The following CTNNA2 variants were observed in gnomAD, a reference collection of about 807,000 sequenced individuals.
CTNNA2 encodes the protein catenin alpha-2.
In CTNNA2, 42 loss-of-function variants were observed where a neutral mutation model predicts 101.0. That is an observed-to-expected ratio of 0.42 (90% CI 0.32 to 0.54). The LOEUF is 0.54. CTNNA2 is among the 20% of genes least tolerant of loss of function. The pLI, the probability that CTNNA2 is intolerant of heterozygous loss-of-function variation, is 0.14. For missense variants in CTNNA2, 871 were observed against 1,223.1 expected (o/e 0.71, Z 4.29); for synonymous variants, 450 against 456.4 (o/e 0.99, Z 0.18).
intron 7 of CTNNA2, among the ~76,000 whole-genome samples, chr2:79,975,937 C>A (rs1162174279): frequency 2.0e-5 from 3 of 152,166 alleles, no homozygotes; most frequent in African/African-American, 7.2e-5. Context: ...GGCGCCCAAC[C>A]TTCAGCTTCT....
chr2:79,599,727 G>T (rs903997229), intron 1 of CTNNA2, among the ~76,000 whole-genome samples: 1 of 152,148 alleles, frequency 6.6e-6, no homozygotes, highest in East Asian at 1.9e-4. Flanking sequence ...AAAAATCTGA[G>T]AAATTTAAGT....
In CTNNA2 at chr2:79,732,968, T is replaced by A. The variant is rs532460060; in HGVS notation, c.103-11419T>A. Among the ~76,000 whole-genome samples, 10 of 152,268 alleles carry A rather than the reference T, an allele frequency of 6.6e-5. No individual in the cohort carries two copies. The South Asian group carries it at 2.1e-3, about 32-fold the overall frequency. ...ATTGAGAAGAACACACAGCACTCAC[T>A]GATGCTCACATTTCATTGGCTAGAA... On this transcript the variant is annotated intron_variant, in intron 2 of 18. Transcript: ENST00000402739.
chr2:79,815,010 A>T (rs1163321028), intron 3 of CTNNA2, among the ~76,000 whole-genome samples: 1 of 152,008 alleles, frequency 6.6e-6, no homozygotes, highest in Non-Finnish European at 1.5e-5. Context: ...TTTGATTTGC[A>T]TTTCCCTAAT....
At chr2:80,479,691 T>TA (rs1364223145) in intron 9 of CTNNA2, among the ~76,000 whole-genome samples, 1 of 152,040 alleles carries the variant, frequency 6.6e-6, no homozygotes, top group Admixed American at 6.6e-5. Context: ...TGTACTGCCC[T>TA]AAAAAAAGGT....
intron 4 of CTNNA2, among the ~76,000 whole-genome samples, chr2:79,868,553 A>G (rs2104014441): frequency 6.6e-6 from 1 of 152,390 alleles, no homozygotes; most frequent in East Asian, 1.9e-4. Flanking sequence ...AATTAAGTTC[A>G]GATCTGAGTT....
chr2:80,150,153 T>G (rs1409193926), intron 7 of CTNNA2, among the ~76,000 whole-genome samples: 1 of 152,140 alleles, frequency 6.6e-6, no homozygotes, highest in Non-Finnish European at 1.5e-5. Flanking sequence ...CTGCCACCAC[T>G]GAGATTGCTG....
intron 7 of CTNNA2, among the ~76,000 whole-genome samples, chr2:80,032,544 A>G (rs963367429): frequency 2.0e-5 from 3 of 152,216 alleles, no homozygotes; most frequent in Non-Finnish European, 4.4e-5. Context: ...CACACTCAAA[A>G]TAAGTATGCA....
chr2:80,619,412 T>G (rs1006258039), intron 18 of CTNNA2, among the ~76,000 whole-genome samples, 184 bp downstream of exon 18: 1 of 151,964 alleles, frequency 6.6e-6, no homozygotes, highest in Middle Eastern at 3.2e-3. Flanking sequence ...CAGATATATC[T>G]TCAATTGTGG....
At chr2:80,080,028 G>T (rs574866975) in intron 7 of CTNNA2, among the ~76,000 whole-genome samples, 3 of 152,168 alleles carry the variant, frequency 2.0e-5, no homozygotes, top group Admixed American at 6.5e-5. Context: ...AGCCTTGCAC[G>T]TCAATGGGCC....
At chr2:79,588,954 T>A (rs1355832094) in intron 1 of CTNNA2, among the ~76,000 whole-genome samples, 1 of 152,180 alleles carries the variant, frequency 6.6e-6, no homozygotes, top group African/African-American at 2.4e-5. Context: ...TTAACAGTAC[T>A]CCTCTCATAA....
intron 9 of CTNNA2, among the ~76,000 whole-genome samples, chr2:80,484,154 T>C (rs1318708001): frequency 6.6e-6 from 1 of 152,074 alleles, no homozygotes; most frequent in Non-Finnish European, 1.5e-5. Context: ...AAACCAAACA[T>C]TGGTTTTTTA....
At chr2:79,746,597 T>G (rs998567061) in intron 3 of CTNNA2, among the ~76,000 whole-genome samples, 2 of 152,210 alleles carry the variant, frequency 1.3e-5, no homozygotes, top group Non-Finnish European at 2.9e-5. Flanking sequence ...TATAGTCTAT[T>G]GTAAAGTTTC....
At chr2:79,504,972 A>G (rs1671381438) in intron 4 of CTNNA2, 1 of 152,212 alleles carries the variant, frequency 6.6e-6, no homozygotes, top group African/African-American at 2.4e-5. Context: ...TTATATCCAT[A>G]GGAGACACTG....
intron 15 of CTNNA2, among the ~76,000 whole-genome samples, chr2:80,598,382 A>G (rs1482800745): frequency 1.3e-5 from 2 of 152,106 alleles, no homozygotes; most frequent in African/African-American, 4.8e-5. Flanking sequence ...TGACAGGTTG[A>G]TAGGTGCTGC....
At position 80,229,304 on chromosome 2, in the gene CTNNA2, C is replaced by T. The variant is rs180744227; in HGVS notation, c.1057-163907C>T. 5.3e-5 allele frequency among the ~76,000 whole-genome samples: 8 copies of T among 152,264 alleles called. No individual in the cohort carries two copies. The South Asian group carries it at 1.5e-3, about 28-fold the overall frequency. ...ATCAGATCCTGTAGGTTAAGGGCTC[C>T]GTCTGAAAAGGCTGCCCCTATTTCA... On this transcript the variant is annotated intron_variant, in intron 7 of 18. Coordinates refer to ENST00000402739, the MANE Select transcript of CTNNA2 (RefSeq NM_001282597.3).
chr2:79,710,316 T>A (rs1212669935), intron 2 of CTNNA2, among the ~76,000 whole-genome samples: 1 of 152,192 alleles, frequency 6.6e-6, no homozygotes, highest in East Asian at 1.9e-4. Flanking sequence ...TGATTCAATC[T>A]CACATATTTC....
chr2:80,268,553 C>A (rs1276264580), intron 7 of CTNNA2, among the ~76,000 whole-genome samples: 3 of 152,138 alleles, frequency 2.0e-5, no homozygotes, highest in Non-Finnish European at 4.4e-5. Flanking sequence ...ACCAGAAATT[C>A]TTGAAAGATA....
chr2:80,577,021 TAATC>T (rs537254388), intron 13 of CTNNA2, among the ~76,000 whole-genome samples: 86 of 152,252 alleles, frequency 5.6e-4, no homozygotes, highest in African/African-American at 1.5e-3. Context: ...TGAAATATGT[TAATC>T]AACGTGGCCT....
chr2:79,882,735 C>T (rs191885478), intron 6 of CTNNA2, among the ~76,000 whole-genome samples: 131 of 152,368 alleles, frequency 8.6e-4, no homozygotes, highest in African/African-American at 2.9e-3. Context: ...CTGGTCACTA[C>T]TCCCCCTGGG....
Sources: gnomAD v4.1 joint callset for allele counts (sites outside exome capture counted in the v4.1 genomes callset) on GRCh38, gnomAD v4.1.1 for gene constraint, MANE v1.5 for transcripts, NCBI Gene and HGNC (gene_info 2026-07-23, HGNC 2026-07-21) for gene names.